SDC2: variants seen among roughly 807,000 people sequenced by gnomAD.
The protein encoded by SDC2 is syndecan-2.
Under a neutral mutation model 22.2 loss-of-function variants are expected in SDC2, and 13 were observed. The ratio of observed to expected loss-of-function variants is 0.59; its 90% confidence interval spans 0.38 to 0.93. The LOEUF is 0.93. Ranked by LOEUF, SDC2 falls within the 40% of genes least tolerant of loss-of-function variation. The probability of loss-of-function intolerance (pLI) is 0.00; values close to 1 mark genes in which losing one functional copy is unlikely to be tolerated. For synonymous variants in SDC2, 94 were observed against 92.8 expected, an observed-to-expected ratio of 1.01 and a Z score of -0.07; for missense variants, 235 against 246.8, an observed-to-expected ratio of 0.95 and a Z score of 0.32.
In SDC2 at chr8:96,548,645, A is replaced by G. The variant is rs78005893; in HGVS notation, c.61-44835A>G. On this transcript the variant is annotated intron_variant, in intron 1 of 4. Coordinates refer to ENST00000302190, the MANE Select transcript of SDC2 (RefSeq NM_002998.4). Reference sequence around the variant, plus strand: ...CTGTACTTTACTCCAACACTTCAGTATCTCCTTTTTCTCTTCTTGAAGTGG... The same window carrying G: ...CTGTACTTTACTCCAACACTTCAGTGTCTCCTTTTTCTCTTCTTGAAGTGG... Among the ~76,000 whole-genome samples the G allele has an allele frequency of 2.7e-3, 418 of 152,268 alleles. 12 individuals carry two copies. In the East Asian group the frequency reaches 0.068, roughly 25 times the overall value.
intron 1 of SDC2, among the ~76,000 whole-genome samples, chr8:96,558,643 T>A (rs1450334567): frequency 6.6e-6 from 1 of 152,192 alleles, no homozygotes; most frequent in East Asian, 1.9e-4. Context: ...ACCAATTCTT[T>A]CCATTGTAAT....
chr8:96,540,098 G>A (rs1043226372), intron 1 of SDC2, among the ~76,000 whole-genome samples: 1 of 151,582 alleles, frequency 6.6e-6, no homozygotes, highest in African/African-American at 2.4e-5. Flanking sequence ...ACATGAATAT[G>A]AAAATCATCT....
At chr8:96,567,770 C>T (rs1362803350) in intron 1 of SDC2, among the ~76,000 whole-genome samples, 1 of 152,152 alleles carries the variant, frequency 6.6e-6, no homozygotes, top group Non-Finnish European at 1.5e-5. Context: ...TTATTTTTAT[C>T]ATAAACACCT....
intron 1 of SDC2, among the ~76,000 whole-genome samples, chr8:96,524,097 G>C (rs954265878): frequency 2.0e-5 from 3 of 152,206 alleles, no homozygotes; most frequent in Admixed American, 2.0e-4. Flanking sequence ...TTCAGTACTT[G>C]CGTTGGGAAA....
At chr8:96,590,687 C>A (rs922491392) in intron 1 of SDC2, among the ~76,000 whole-genome samples, 6 of 151,898 alleles carry the variant, frequency 4.0e-5, no homozygotes, top group African/African-American at 1.5e-4. Context: ...TTATCTGCTA[C>A]AGAGTGAAAA....
intron 3 of SDC2, among the ~76,000 whole-genome samples, chr8:96,604,414 TCATC>T (rs1300093983): frequency 2.0e-5 from 3 of 152,224 alleles, no homozygotes; most frequent in African/African-American, 7.2e-5. Flanking sequence ...TAGTAGAAAT[TCATC>T]CATTTATAGG....
At chr8:96,608,606 C>T (rs1203642978) in intron 4 of SDC2, 136 bp downstream of exon 4, 16 of 733,510 alleles carry the variant, frequency 2.2e-5, no homozygotes, top group Admixed American at 6.4e-5. Flanking sequence ...GATTCCAGAG[C>T]GAGAAGCAAG....
At chr8:96,519,343 T>G (rs1440724310) in intron 1 of SDC2, among the ~76,000 whole-genome samples, 3 of 152,236 alleles carry the variant, frequency 2.0e-5, no homozygotes, top group African/African-American at 7.2e-5. Context: ...TACAATTGAT[T>G]AGTGATGTTT....
intron 2 of SDC2, among the ~76,000 whole-genome samples, chr8:96,598,944 T>TC: frequency 6.7e-6 from 1 of 149,262 alleles, no homozygotes; most frequent in African/African-American, 2.5e-5. Flanking sequence ...CTCTATCTTT[T>TC]TTTTTTTTTT....
intron 1 of SDC2, among the ~76,000 whole-genome samples, chr8:96,523,377 C>T (rs2589217): frequency 0.026 from 3,959 of 152,174 alleles, 175 homozygotes; most frequent in African/African-American, 0.089. Context: ...ATATGAATAT[C>T]GCATATTTGA....
rs1481198542 is a variant in SDC2, at chr8:96,576,368, G to GTTT, written c.61-17109_61-17107dup. On this transcript the variant is annotated intron_variant, in intron 1 of 4. Coordinates refer to ENST00000302190, the MANE Select transcript of SDC2 (RefSeq NM_002998.4). ...ACATAAGTTCAATAATTGGTAGTTT[G>GTTT]TTTTTGTTTTGTTTTGTTTTTTTTT... Among the ~76,000 whole-genome samples, 157 of 16,580 alleles carry GTTT rather than the reference G, an allele frequency of 9.5e-3. 15 individuals are homozygous for GTTT. The highest frequency in any genetic ancestry group is 0.018 in the African/African-American group (145 of 7,988). The allele number at this position is 16,580 out of a possible 152,430, so 10.9% of individuals were successfully genotyped here.
intron 1 of SDC2, among the ~76,000 whole-genome samples, chr8:96,544,430 C>G (rs1015320868): frequency 5.9e-5 from 9 of 152,158 alleles, no homozygotes; most frequent in African/African-American, 2.2e-4. Context: ...ATTCTAACCT[C>G]CACTTAAAAG....
intron 1 of SDC2, among the ~76,000 whole-genome samples, chr8:96,510,224 T>C (rs1221598658): frequency 6.6e-6 from 1 of 152,218 alleles, no homozygotes; most frequent in Non-Finnish European, 1.5e-5. Flanking sequence ...ATACTGATCA[T>C]GTATAGGTCC....
At chr8:96,566,932 C>A in intron 1 of SDC2, among the ~76,000 whole-genome samples, 1 of 152,154 alleles carries the variant, frequency 6.6e-6, no homozygotes. Flanking sequence ...CGGCTCGTTG[C>A]AACCTTTGCC....
In SDC2 at chr8:96,596,108, G is replaced by A. The variant is rs554234677; in HGVS notation, c.172+2517G>A. Reference sequence around the variant, plus strand: ...AAACGATAGATTCTGTTAGTATTTCGATGATTCCCACGAGAAAACCTGAGG... The same window carrying A: ...AAACGATAGATTCTGTTAGTATTTCAATGATTCCCACGAGAAAACCTGAGG... On this transcript the variant is annotated intron_variant, in intron 2 of 4. Coordinates refer to ENST00000302190, the MANE Select transcript of SDC2 (RefSeq NM_002998.4). Among the ~76,000 whole-genome samples the A allele has an allele frequency of 1.4e-3, 216 of 152,282 alleles. 5 individuals carry two copies. In the East Asian group the frequency reaches 0.031, roughly 22 times the overall value.
At chr8:96,574,169 A>T (rs1563666903) in intron 1 of SDC2, among the ~76,000 whole-genome samples, 1 of 151,972 alleles carries the variant, frequency 6.6e-6, no homozygotes, top group Non-Finnish European at 1.5e-5. Context: ...TGGATACAGT[A>T]GCCAGCATCT....
At chr8:96,545,437 A>G (rs1449077645) in intron 1 of SDC2, among the ~76,000 whole-genome samples, 1 of 152,188 alleles carries the variant, frequency 6.6e-6, no homozygotes, top group Non-Finnish European at 1.5e-5. Context: ...AAACACCATG[A>G]CAGGTCAGTA....
rs1815162209 is a variant in SDC2, at chr8:96,610,775, A to G, written c.*1227A>G. Reference sequence around the variant, plus strand: ...CAGTGTCTGTAAATCAAGACCAAAGAGCCTGTCGATGAGACTGTTTATTAC... The same window carrying G: ...CAGTGTCTGTAAATCAAGACCAAAGGGCCTGTCGATGAGACTGTTTATTAC... On this transcript the variant is annotated 3_prime_UTR_variant, in exon 5 of 5. Coordinates refer to ENST00000302190, the MANE Select transcript of SDC2 (RefSeq NM_002998.4). The G allele has an allele frequency of 6.6e-6, 1 of 152,612 alleles. No homozygotes were observed. The highest frequency in any genetic ancestry group is 2.4e-5 in the African/African-American group (1 of 41,430). The allele number at this position is 152,612 out of a possible 1,614,324, so 9.5% of individuals were successfully genotyped here. A position where few individuals can be genotyped will look rare whatever the true frequency, so the allele number is the denominator to read the frequency against.
At chr8:96,511,614 C>G (rs1407125478) in intron 1 of SDC2, among the ~76,000 whole-genome samples, 2 of 152,110 alleles carry the variant, frequency 1.3e-5, no homozygotes, top group East Asian at 1.9e-4. Context: ...GGGGGCAAGG[C>G]AAGGCTCCGA....
Sources: gnomAD v4.1 joint callset for allele counts (sites outside exome capture counted in the v4.1 genomes callset) on GRCh38, gnomAD v4.1.1 for gene constraint, MANE v1.5 for transcripts, NCBI Gene and HGNC (gene_info 2026-07-23, HGNC 2026-07-21) for gene names.